The following DPH1 variants were observed in gnomAD, a reference collection of about 807,000 sequenced individuals.
DPH1 encodes the protein 2-(3-amino-3-carboxypropyl)histidine synthase subunit 1.
DPH1 carries 59 observed loss-of-function variants against 55.3 expected under a neutral mutation model. That is an observed-to-expected ratio of 1.07 (90% CI 0.87 to 1.33). DPH1 has a LOEUF of 1.33. Ranked by LOEUF, DPH1 falls within the 40% of genes most tolerant of loss-of-function variation. The pLI is 0.00. For missense variants in DPH1, 628 were observed against 584.8 expected, an observed-to-expected ratio of 1.07 and a Z score of -0.76; for synonymous variants, 238 against 235.5, an observed-to-expected ratio of 1.01 and a Z score of -0.10.
At chr17:2,033,123 T>C (rs1339133916) in intron 1 of DPH1, among the ~76,000 whole-genome samples, 2 of 152,198 alleles carry the variant, frequency 1.3e-5, no homozygotes, top group Non-Finnish European at 2.9e-5. Flanking sequence ...ATTTTCTGGC[T>C]TCAGTCTGTC....
rs748393431 is a variant in DPH1, at chr17:2,041,726, G to A, written c.1228-42G>A. 1.1e-5 allele frequency: 17 copies of A among 1,585,030 alleles called. No individual in the cohort carries two copies. In the South Asian group the frequency reaches 1.9e-4, roughly 18 times the overall value. On this transcript the variant is annotated intron_variant, in intron 11 of 12. Transcript: ENST00000263083. ...CAGGAGCGGAGCGGAGGGAAACGCAGGGTCGCAGGAGCGAGACCCTAACCA... is the reference window on the plus strand; with the variant it reads ...CAGGAGCGGAGCGGAGGGAAACGCAAGGTCGCAGGAGCGAGACCCTAACCA...
At chr17:2,042,506 TTC>T (rs1434926702) in intron 12 of DPH1, 97 bp from the exon 13 acceptor site, 7 of 1,418,480 alleles carry the variant, frequency 4.9e-6, no homozygotes, top group East Asian at 4.9e-5. Context: ...GATTCCCTTT[TTC>T]TCTCTGTCAT....
chr17:2,042,210 G>A, intron 12 of DPH1: 1 of 1,431,382 alleles, frequency 7.0e-7, no homozygotes, highest in Admixed American at 2.9e-5. Context: ...CCCGGGCCCC[G>A]AGGGCGCCAG....
chr17:2,036,111 C>T lies in DPH1; in HGVS notation c.400+20C>T. The T allele has an allele frequency of 6.8e-6, 11 of 1,612,840 alleles. No homozygotes were observed. In the South Asian group the frequency reaches 1.1e-4, roughly 16 times the overall value. ...GCCTGAGTATGGTGGGGCCAGGACACCTGGACGGTGGCGGGGCTGGCAGGG... is the reference window on the plus strand; with the variant it reads ...GCCTGAGTATGGTGGGGCCAGGACATCTGGACGGTGGCGGGGCTGGCAGGG... On this transcript the variant is annotated intron_variant, in intron 4 of 12. Transcript: ENST00000263083. The surrounding 1 kb of genome is among the most constrained non-coding windows in gnomAD (Gnocchi z 4.8).
chr17:2,042,049 T>C, intron 12 of DPH1, 174 bp downstream of exon 12: 2 of 1,525,704 alleles, frequency 1.3e-6, no homozygotes, highest in Non-Finnish European at 1.7e-6. Flanking sequence ...CCGGGCATAA[T>C]GGCCGCGCAG....
At chr17:2,041,718 G>A (rs368169380) in intron 11 of DPH1, 50 bp from the exon 12 acceptor site, 5 of 1,582,276 alleles carry the variant, frequency 3.2e-6, no homozygotes, top group South Asian at 1.1e-5. Flanking sequence ...GGAGCGGAGG[G>A]AAACGCAGGG....
intron 8 of DPH1, 52 bp from the exon 9 acceptor site, chr17:2,040,453 A>C (rs2067499337): frequency 6.2e-7 from 1 of 1,613,892 alleles, no homozygotes; most frequent in African/African-American, 1.3e-5. Context: ...CCACAGGTTC[A>C]GCTTTGGCTG....
In DPH1 at chr17:2,037,099, A is replaced by G. The variant is rs574706262; in HGVS notation, c.680+143A>G. The G allele has an allele frequency of 2.8e-3, 3,493 of 1,237,086 alleles. 12 individuals are homozygous for G. Among genetic ancestry groups the G allele is most frequent in the Non-Finnish European group, 3.6e-3 (3,316 of 913,360 alleles). 76.6% of individuals were successfully genotyped at this position (1,237,086 alleles called of 1,614,324 possible). On this transcript the variant is annotated intron_variant, in intron 6 of 12. Transcript: ENST00000263083. ...AGGTCACACTGCAAGGTAGGGACCAAACAGGGAGCAGACCTCAGGTTTACT... is the reference window on the plus strand; with the variant it reads ...AGGTCACACTGCAAGGTAGGGACCAGACAGGGAGCAGACCTCAGGTTTACT...
rs1290196722 is a variant in DPH1, at chr17:2,041,831, G to A, written c.1291G>A (p.Glu431Lys). The A allele has an allele frequency of 4.4e-6, 7 of 1,604,128 alleles. No homozygotes were observed. Among genetic ancestry groups the A allele is most frequent in the Non-Finnish European group, 5.9e-6 (7 of 1,176,588 alleles). Residue 431 changes from glutamate to lysine, a missense_variant, in exon 12 of 13, where the codon GAG (glutamate) becomes AAG (lysine). Transcript: ENST00000263083. ...VACEDCSCRD[E>K]KVAPLAP ...TTGCGAGGACTGCAGCTGCAGGGAC[G>A]AGAAGGTGGCGCCGCTGGCTCCTTG...
intron 11 of DPH1, 61 bp from the exon 12 acceptor site, chr17:2,041,702 AGGAGC>A (rs762709767): frequency 1.9e-6 from 3 of 1,580,138 alleles, no homozygotes; most frequent in Non-Finnish European, 2.6e-6. Flanking sequence ...GGAAACGCAC[AGGAGC>A]GGAGCGGAGG....
chr17:2,035,342 A>T (rs1241560517), intron 3 of DPH1, among the ~76,000 whole-genome samples: 2 of 142,656 alleles, frequency 1.4e-5, no homozygotes, highest in Admixed American at 7.1e-5. Context: ...AGGTGGTGCC[A>T]TGTGCTATGG....
In DPH1 at chr17:2,039,747, C is replaced by T; in HGVS notation, c.681-8C>T. 1 of 1,614,142 alleles carries T rather than the reference C, an allele frequency of 6.2e-7. No individual in the cohort carries two copies. ...AAACCACACTTAGCCTCCTTTCCAC[C>T]CCTGCAGGTATCTTGGAGATGGCCG... On this transcript the variant is annotated splice_region_variant and splice_polypyrimidine_tract_variant and intron_variant, in intron 6 of 12. Transcript: ENST00000263083.
intron 3 of DPH1, among the ~76,000 whole-genome samples, chr17:2,035,427 A>G (rs534956356): frequency 0.11 from 13,015 of 120,522 alleles, 1,569 homozygotes; most frequent in East Asian, 0.51. Context: ...GGGGGTCCGG[A>G]CGAGAGGGCC....
intron 3 of DPH1, 120 bp downstream of exon 3, chr17:2,033,962 C>A (rs2151342315): frequency 9.1e-7 from 1 of 1,093,362 alleles, no homozygotes; most frequent in Non-Finnish European, 1.4e-6. Context: ...TCCACCTTCC[C>A]CCTTTCCCTC....
rs1485511266 is a variant in DPH1 at position 2,042,786 on chromosome 17, T to C, written c.*200T>C. The C allele has an allele frequency of 6.2e-7, 1 of 1,612,628 alleles. No homozygotes were observed. The highest frequency in any genetic ancestry group is 1.3e-5 in the African/African-American group (1 of 74,728). On this transcript the variant is annotated 3_prime_UTR_variant, in exon 13 of 13. Coordinates refer to ENST00000263083, the MANE Select transcript of DPH1 (RefSeq NM_001383.6). ...GCCTTCTTGGTTTCAGCCAAGGGGCTGCGCTAGCAGCCCTTGTGTGTGCCC... is the reference window on the plus strand; with the variant it reads ...GCCTTCTTGGTTTCAGCCAAGGGGCCGCGCTAGCAGCCCTTGTGTGTGCCC...
intron 6 of DPH1, among the ~76,000 whole-genome samples, chr17:2,038,778 T>G (rs1055696392): frequency 2.0e-5 from 3 of 152,176 alleles, no homozygotes; most frequent in African/African-American, 7.2e-5. Flanking sequence ...ACTGTCCACA[T>G]CTGTATTGAG....
At position 2,033,794 on chromosome 17, in the gene DPH1, C is replaced by T. The variant is rs776264126; in HGVS notation, c.230C>T (p.Pro77Leu). The change falls in exon 3 of 13, where the codon CCG (proline) becomes CTG (leucine). Residue 77 changes from proline (P) to leucine (L), a missense_variant. By Grantham distance (98) the Pro-to-Leu change is moderately conservative (BLOSUM62 -3). Transcript: ENST00000263083. ...CGTCTTGCAGTGGCCTTGCAAATGC[C>T]GGAAGGCCTCCTCCTCTTTGCCTGT... ...AQAKKVALQMPEGLLLFACTI... is the reference protein window; with the variant it reads ...AQAKKVALQMLEGLLLFACTI... 13 of 1,614,098 alleles carry T rather than the reference C, an allele frequency of 8.1e-6. No individual in the cohort carries two copies. Among genetic ancestry groups the T allele is most frequent in the South Asian group, 1.1e-5 (1 of 91,094 alleles).
intron 3 of DPH1, among the ~76,000 whole-genome samples, chr17:2,035,399 C>T (rs1296443372): frequency 7.1e-6 from 1 of 141,390 alleles, no homozygotes; most frequent in Admixed American, 7.2e-5. Context: ...AGGGCCCTGC[C>T]TGCGGTGGGG....
intron 7 of DPH1, 63 bp downstream of exon 7, chr17:2,039,886 T>A (rs977395909): frequency 8.7e-6 from 14 of 1,607,350 alleles, no homozygotes; most frequent in Non-Finnish European, 1.1e-5. Context: ...GCCACTGAGG[T>A]CCTCAATTGG....
Sources: allele counts gnomAD v4.1 joint callset (sites outside exome capture counted in the v4.1 genomes callset), GRCh38; gene constraint gnomAD v4.1.1; non-coding constraint Gnocchi (gnomAD v3.1); transcripts MANE v1.5; gene names NCBI Gene and HGNC (gene_info 2026-07-23, HGNC 2026-07-21).